Variants in FAM151B observed in about 807,000 individuals in gnomAD.
FAM151B encodes the protein protein FAM151B.
Under a neutral mutation model 31.2 loss-of-function variants are expected in FAM151B, and 24 were observed. That is an observed-to-expected ratio of 0.77 (90% CI 0.56 to 1.08). The LOEUF (loss-of-function observed/expected upper bound fraction) is 1.08. FAM151B is among the 50% of genes least tolerant of loss of function. The pLI is 0.00. For missense variants in FAM151B, 293 were observed against 328.6 expected, an observed-to-expected ratio of 0.89 and a Z score of 0.84; for synonymous variants, 105 against 111.4, an observed-to-expected ratio of 0.94 and a Z score of 0.36.
chr5:80,511,435 C>CAAAAA (rs57587683), intron 2 of FAM151B, among the ~76,000 whole-genome samples: 3 of 54,078 alleles, frequency 5.5e-5, no homozygotes, highest in Non-Finnish European at 1.0e-4. Context: ...GACTCTGTCT[C>CAAAAA]AAAAAAAAAA....
chr5:80,499,275 G>T (rs1012134635), intron 1 of FAM151B, among the ~76,000 whole-genome samples: 3 of 152,054 alleles, frequency 2.0e-5, no homozygotes, highest in African/African-American at 7.2e-5. Context: ...CTTAGTCTTG[G>T]TTAACTCACA....
At chr5:80,489,114 A>G (rs758469055) in intron 1 of FAM151B, among the ~76,000 whole-genome samples, 1 of 152,184 alleles carries the variant, frequency 6.6e-6, no homozygotes, top group Non-Finnish European at 1.5e-5. Flanking sequence ...GAATGACTGA[A>G]GTGTTTTATA....
chr5:80,514,521 T>C (rs1435540737), intron 3 of FAM151B, among the ~76,000 whole-genome samples: 1 of 148,312 alleles, frequency 6.7e-6, no homozygotes, highest in Non-Finnish European at 1.5e-5. Context: ...ATAATAATAA[T>C]ATTTGGAGGC....
At chr5:80,536,862 A>AT (rs1351055953) in intron 5 of FAM151B, among the ~76,000 whole-genome samples, 3 of 152,142 alleles carry the variant, frequency 2.0e-5, no homozygotes, top group South Asian at 2.1e-4. Context: ...AATTGAACCC[A>AT]TAGAGATAGA....
intron 1 of FAM151B, among the ~76,000 whole-genome samples, chr5:80,492,718 T>C (rs1326407380): frequency 6.6e-6 from 1 of 152,126 alleles, no homozygotes; most frequent in Non-Finnish European, 1.5e-5. Flanking sequence ...TTTGGGAGGC[T>C]GAGGTGGGAA....
intron 1 of FAM151B, chr5:80,495,298 C>T (rs778369957): frequency 6.6e-6 from 1 of 152,154 alleles, no homozygotes; most frequent in Non-Finnish European, 1.5e-5. Context: ...TCTTGACTTA[C>T]AAGTCTTATT....
chr5:80,520,341 T>C (rs142662174), intron 4 of FAM151B, among the ~76,000 whole-genome samples: 5 of 151,986 alleles, frequency 3.3e-5, no homozygotes, highest in South Asian at 2.1e-4. Flanking sequence ...GAGTATAGAG[T>C]TATTTAAAAT....
chr5:80,504,624 C>A (rs1377580285), intron 2 of FAM151B, among the ~76,000 whole-genome samples: 7 of 149,816 alleles, frequency 4.7e-5, no homozygotes, highest in African/African-American at 1.7e-4. Flanking sequence ...GGGTTCAAGC[C>A]ATCCTCCTGC....
intron 1 of FAM151B, among the ~76,000 whole-genome samples, chr5:80,497,710 C>T (rs1050897869): frequency 2.7e-4 from 40 of 148,344 alleles, no homozygotes; most frequent in African/African-American, 8.5e-4. Context: ...CTGTAAGTTG[C>T]CTTTATAAAA....
At chr5:80,504,660 T>C (rs171594) in intron 2 of FAM151B, among the ~76,000 whole-genome samples, 65,329 of 151,234 alleles carry the variant, frequency 0.43, 16,051 homozygotes, top group African/African-American at 0.67. Context: ...GCTGGGACTA[T>C]GGGCATGTGC....
intron 5 of FAM151B, among the ~76,000 whole-genome samples, chr5:80,534,405 A>G (rs978825477): frequency 3.9e-5 from 6 of 152,232 alleles, no homozygotes; most frequent in Non-Finnish European, 1.5e-5. Context: ...AAGATCATTC[A>G]TCATGACCAA....
chr5:80,495,690 C>T lies in FAM151B; in HGVS notation c.26-6102C>T, dbSNP rs372666165. ...CTAAAAATGCAAAAAATTAGCCGGG[C>T]GTGGTGGCGGACGCCTGTAGTCCCA... On this transcript the variant is annotated intron_variant, in intron 1 of 5. Transcript: ENST00000282226. 1.4e-4 allele frequency among the ~76,000 whole-genome samples: 21 copies of T among 151,996 alleles called. 1 individual carries two copies. The highest frequency in any genetic ancestry group is 3.9e-4 in the African/African-American group (16 of 41,490).
At chr5:80,490,645 A>G (rs1743286515) in intron 1 of FAM151B, among the ~76,000 whole-genome samples, 1 of 152,232 alleles carries the variant, frequency 6.6e-6, no homozygotes, top group African/African-American at 2.4e-5. Flanking sequence ...TGGATGTTTC[A>G]TATAAATGGA....
chr5:80,503,681 A>T (rs1384949292), intron 2 of FAM151B, among the ~76,000 whole-genome samples: 7 of 152,144 alleles, frequency 4.6e-5, no homozygotes, highest in African/African-American at 1.2e-4. Flanking sequence ...AACTTAAAAA[A>T]TTTTACAATT....
intron 1 of FAM151B, among the ~76,000 whole-genome samples, chr5:80,498,264 G>A (rs1743620961): frequency 6.6e-6 from 1 of 152,122 alleles, no homozygotes; most frequent in African/African-American, 2.4e-5. Flanking sequence ...ATGCCAAATA[G>A]GGCCACGTGT....
At chr5:80,513,281 G>C (rs1490884252) in intron 2 of FAM151B, among the ~76,000 whole-genome samples, 1 of 152,166 alleles carries the variant, frequency 6.6e-6, no homozygotes, top group Non-Finnish European at 1.5e-5. Context: ...TTCCCAGAAA[G>C]CTTCAGCAAA....
At position 80,513,695 on chromosome 5, in the gene FAM151B, C is replaced by G. The variant is rs1469000804; in HGVS notation, c.243C>G (p.Asn81Lys). The change falls in exon 3 of 6, where the codon AAC becomes AAG. Residue 81 changes from asparagine to lysine, a missense_variant. Transcript: ENST00000282226. ...QPIMAHPPETNSDNTLQEWLT... is the reference protein window; with the variant it reads ...QPIMAHPPETKSDNTLQEWLT... ...TTATGGCCCATCCCCCTGAAACAAA[C>G]AGTGATAATACTCTACAGGAGTGGC... 2 of 1,613,982 alleles carry G rather than the reference C, an allele frequency of 1.2e-6. No homozygotes were observed. The highest frequency in any genetic ancestry group is 2.2e-5 in the South Asian group (2 of 91,078).
intron 5 of FAM151B, among the ~76,000 whole-genome samples, chr5:80,538,458 CTTTCTTTCTTTCTT>C (rs1561383652): frequency 1.4e-5 from 1 of 69,746 alleles, no homozygotes; most frequent in Non-Finnish European, 3.0e-5. Flanking sequence ...CTCTTTCTTT[CTTTCTTTCTTTCTT>C]TCTTTCTTTC....
Position 80,513,739 on chromosome 5 carries a change from G to T in FAM151B, c.287G>T (p.Ser96Ile), listed in dbSNP as rs148781457. ...GAGTGGCTGACTGAAGTTATGAAAA[G>T]CAATAAAGGCATCAAGCTGGATTTC... Reference protein sequence around the residue: ...LQEWLTEVMKSNKGIKLDFKS... With the variant: ...LQEWLTEVMKINKGIKLDFKS... The change falls in exon 3 of 6, where the codon AGC (serine) becomes ATC (isoleucine). Residue 96 changes from serine to isoleucine, a missense_variant. Physicochemically the swap from Ser to Ile is moderately radical, Grantham distance 142. Coordinates refer to ENST00000282226, the MANE Select transcript of FAM151B (RefSeq NM_205548.3). The T allele has an allele frequency of 8.4e-5, 136 of 1,611,064 alleles. No homozygotes were observed. The African/African-American group carries it at 1.6e-3, about 19-fold the overall frequency.
Sources: allele counts gnomAD v4.1 joint callset (sites outside exome capture counted in the v4.1 genomes callset), GRCh38; gene constraint gnomAD v4.1.1; transcripts MANE v1.5; gene names NCBI Gene and HGNC (gene_info 2026-07-23, HGNC 2026-07-21).